MYOF: variants seen among roughly 807,000 people sequenced by gnomAD.
The protein encoded by MYOF is fer-1-like 3, myoferlin.
A neutral mutation model predicts 284.2 loss-of-function variants in MYOF; 244 were observed. The observed-to-expected ratio is 0.86, with a 90% CI of 0.77 to 0.95. MYOF has a LOEUF of 0.95. MYOF is among the 40% of genes least tolerant of loss of function. The pLI is 0.00. For missense variants in MYOF, 2,496 were observed against 2,560.6 expected (o/e 0.97, Z 0.54); for synonymous variants, 904 against 919.7 (o/e 0.98, Z 0.31).
At chr10:93,470,465 A>G (rs1180318364) in intron 1 of MYOF, among the ~76,000 whole-genome samples, 1 of 151,622 alleles carries the variant, frequency 6.6e-6, no homozygotes, top group Non-Finnish European at 1.5e-5. Context: ...CAGTGGCACG[A>G]TCTCGGCTCA....
chr10:93,347,798 GTA>G lies in MYOF; in HGVS notation c.4084-18_4084-17del. On this transcript the variant is annotated splice_polypyrimidine_tract_variant and intron_variant, in intron 36 of 53. Coordinates refer to ENST00000359263, the MANE Select transcript of MYOF (RefSeq NM_013451.4). ...TGGGCAAGAACTGGGGGTCACAAAGGTAGGTTTCATTTCTCAAGACCAGACGA... is the reference window on the plus strand; with the variant it reads ...TGGGCAAGAACTGGGGGTCACAAAGGGGTTTCATTTCTCAAGACCAGACGA... 1 of 1,604,476 alleles carries G rather than the reference GTA, an allele frequency of 6.2e-7. No homozygotes were observed. The highest frequency in any genetic ancestry group is 1.7e-5 in the Admixed American group (1 of 59,350).
Position 93,329,766 on chromosome 10 carries a change from G to T in MYOF, c.4880C>A (p.Thr1627Asn), listed in dbSNP as rs200907437. The T allele has an allele frequency of 2.3e-5, 37 of 1,614,186 alleles. No homozygotes were observed. Among genetic ancestry groups the T allele is most frequent in the Non-Finnish European group, 3.1e-5 (37 of 1,180,034 alleles). The change falls in exon 44 of 54, where the codon ACC becomes AAC. Residue 1627 changes from threonine to asparagine, a missense_variant. By Grantham distance (65) the Thr-to-Asn change is moderately conservative. Around this residue, in one of 3 missense-constraint regions of MYOF, gnomAD observed 2,436 missense variants for 2,480.7 expected, o/e 0.98. Transcript: ENST00000359263. The stretch of plus-strand genomic sequence containing the variant: ...TCCTACTTTTTCATCCCGGGTAAAG[G>T]TGTCATAATCATAGACAGAAATTTT... The part of the protein sequence containing the change: ...DLKISVYDYD[T>N]FTRDEKVGET...
At chr10:93,438,263 T>C (rs1388436865) in intron 3 of MYOF, among the ~76,000 whole-genome samples, 3 of 152,162 alleles carry the variant, frequency 2.0e-5, no homozygotes, top group Admixed American at 2.0e-4. Context: ...ACCCCATCTC[T>C]CTTCCTTCCC....
chr10:93,470,996 G>A (rs1202269862), intron 1 of MYOF, among the ~76,000 whole-genome samples: 1 of 152,138 alleles, frequency 6.6e-6, no homozygotes, highest in Non-Finnish European at 1.5e-5. Context: ...GAAAGAAAGA[G>A]AGAGAAGGGC....
intron 29 of MYOF, among the ~76,000 whole-genome samples, chr10:93,359,141 C>T (rs1160097575): frequency 6.6e-6 from 1 of 152,152 alleles, no homozygotes; most frequent in Non-Finnish European, 1.5e-5. Context: ...GAGAGAGTTC[C>T]TGTTTGGACT....
intron 49 of MYOF, among the ~76,000 whole-genome samples, chr10:93,317,779 A>G (rs787678): frequency 1 from 151,814 of 152,376 alleles, 75,630 homozygotes; most frequent in Non-Finnish European, 1. Flanking sequence ...GACAATGTTA[A>G]CTAAGACTAA....
At chr10:93,315,251 C>T (rs787674) in intron 50 of MYOF, among the ~76,000 whole-genome samples, 79,332 of 151,810 alleles carry the variant, frequency 0.52, 21,648 homozygotes, top group East Asian at 0.9. Flanking sequence ...CAGGAGGGAC[C>T]CCTGGAAGCA....
At chr10:93,395,807 A>G (rs701857) in intron 16 of MYOF, among the ~76,000 whole-genome samples, 56,432 of 151,380 alleles carry the variant, frequency 0.37, 12,097 homozygotes, top group Middle Eastern at 0.59. Flanking sequence ...AGCTCTCTGT[A>G]TTGACACAAA....
chr10:93,349,482 G>T (rs1481881146), intron 36 of MYOF, among the ~76,000 whole-genome samples: 2 of 152,338 alleles, frequency 1.3e-5, no homozygotes, highest in African/African-American at 4.8e-5. Context: ...TCTGGTCCAT[G>T]CATGACTGGG....
At chr10:93,323,210 G>C (rs1842911228) in intron 47 of MYOF, 37 bp from the exon 48 acceptor site, 1 of 1,612,826 alleles carries the variant, frequency 6.2e-7, no homozygotes, top group Non-Finnish European at 8.5e-7. Flanking sequence ...TTTTTTTTCT[G>C]GTCCTGGACC....
intron 7 of MYOF, among the ~76,000 whole-genome samples, chr10:93,407,737 CA>C (rs34172104): frequency 0.6 from 56,718 of 94,818 alleles, 17,155 homozygotes; most frequent in Middle Eastern, 0.74. Flanking sequence ...GACTCTGTCT[CA>C]AAAAAAAAAA....
chr10:93,326,308 T>G (rs1182913265), intron 45 of MYOF, among the ~76,000 whole-genome samples: 2 of 152,182 alleles, frequency 1.3e-5, no homozygotes, highest in Non-Finnish European at 2.9e-5. Context: ...TGTGACCAAG[T>G]TCAGCCAGAG....
At chr10:93,400,916 T>C (rs895896693) in intron 12 of MYOF, among the ~76,000 whole-genome samples, 2 of 143,900 alleles carry the variant, frequency 1.4e-5, no homozygotes, top group African/African-American at 5.2e-5. Context: ...TGGAGTGCAG[T>C]GGTGTGGCTC....
At chr10:93,315,798 G>A (rs1564611949) in intron 50 of MYOF, among the ~76,000 whole-genome samples, 1 of 152,028 alleles carries the variant, frequency 6.6e-6, no homozygotes, top group Non-Finnish European at 1.5e-5. Context: ...TTGGAGGAGA[G>A]CAGAAGAACC....
intron 19 of MYOF, among the ~76,000 whole-genome samples, chr10:93,381,906 G>A (rs939357491): frequency 1.3e-5 from 2 of 151,966 alleles, no homozygotes; most frequent in Admixed American, 6.6e-5. Context: ...GCGTGGTGGT[G>A]CACACCTGTA....
At chr10:93,377,283 C>A (rs773292580) in intron 22 of MYOF, 40 bp downstream of exon 22, 6 of 1,369,616 alleles carry the variant, frequency 4.4e-6, no homozygotes, top group African/African-American at 4.3e-5. Context: ...GGGAGGAGCG[C>A]CTGGATGAAA....
intron 22 of MYOF, among the ~76,000 whole-genome samples, chr10:93,375,453 G>A (rs917826562): frequency 6.6e-6 from 1 of 152,238 alleles, no homozygotes; most frequent in African/African-American, 2.4e-5. Context: ...AGAAAACTGT[G>A]TCTATCTGTG....
At position 93,401,406 on chromosome 10, in the gene MYOF, A is replaced by T. The variant is rs755085027; in HGVS notation, c.1117+12T>A. On this transcript the variant is annotated intron_variant, in intron 12 of 53. Coordinates refer to ENST00000359263, the MANE Select transcript of MYOF (RefSeq NM_013451.4). ...ATCAACAATTCTGGGGCAAGATTAAATCAGTACATACTCTGGGGGATGTCC... is the reference window on the plus strand; with the variant it reads ...ATCAACAATTCTGGGGCAAGATTAATTCAGTACATACTCTGGGGGATGTCC... 6.2e-7 allele frequency: 1 copy of T among 1,612,728 alleles called. No homozygotes were observed. Among genetic ancestry groups the T allele is most frequent in the Non-Finnish European group, 8.5e-7 (1 of 1,179,668 alleles).
At chr10:93,365,190 A>G (rs1275103492) in intron 26 of MYOF, among the ~76,000 whole-genome samples, 1 of 152,128 alleles carries the variant, frequency 6.6e-6, no homozygotes, top group Non-Finnish European at 1.5e-5. Flanking sequence ...TCCCTCCCTA[A>G]TGCCTATGCA....
Sources: gnomAD v4.1 joint callset for allele counts (sites outside exome capture counted in the v4.1 genomes callset) on GRCh38, gnomAD v4.1.1 for gene constraint, gnomAD v4.1.1 regional missense constraint, MANE v1.5 for transcripts, NCBI Gene and HGNC (gene_info 2026-07-23, HGNC 2026-07-21) for gene names.